The following HEPH variants were observed in gnomAD, a reference collection of about 807,000 sequenced individuals.
HEPH encodes the protein hephaestin.
HEPH carries 69 observed loss-of-function variants against 80.8 expected under a neutral mutation model. That is an observed-to-expected ratio of 0.85 (90% CI 0.70 to 1.04). The LOEUF (loss-of-function observed/expected upper bound fraction) is 1.04, where lower values mean the gene tolerates loss of function less well. HEPH is among the 50% of genes least tolerant of loss of function. The pLI, the probability that HEPH is intolerant of heterozygous loss-of-function variation, is 0.00. For synonymous variants in HEPH, 431 were observed against 322.8 expected, an observed-to-expected ratio of 1.34 and a Z score of -3.60; for missense variants, 1,115 against 891.3, an observed-to-expected ratio of 1.25 and a Z score of -3.20.
At chrX:66,180,627 T>A (rs1230068256) in intron 4 of HEPH, among the ~76,000 whole-genome samples, 1 of 78,336 alleles carries the variant, frequency 1.3e-5, no homozygotes, top group Non-Finnish European at 2.2e-5. Context: ...CCAGGTGTTC[T>A]TTTTTTTTTT....
intron 15 of HEPH, among the ~76,000 whole-genome samples, chrX:66,219,817 G>T (rs2089561953): frequency 9.0e-6 from 1 of 111,382 alleles, no homozygotes; most frequent in Admixed American, 9.5e-5. Flanking sequence ...GGGTATTTTG[G>T]TGTAAGCTCT....
chrX:66,232,208 A>G (rs780397932), intron 15 of HEPH, among the ~76,000 whole-genome samples: 5 of 111,288 alleles, frequency 4.5e-5, no homozygotes, highest in East Asian at 5.6e-4. Context: ...TTTTGCATCA[A>G]TGTTCATCAA....
intron 15 of HEPH, among the ~76,000 whole-genome samples, chrX:66,227,437 G>C (rs924527487): frequency 1.8e-5 from 2 of 111,040 alleles, no homozygotes; most frequent in East Asian, 2.8e-4. Context: ...AATCACACAA[G>C]GGAAAGAAAT....
upstream of HEPH, chrX:66,162,830 G>T: frequency 1.7e-6 from 2 of 1,155,892 alleles, no homozygotes; most frequent in Non-Finnish European, 2.3e-6. Flanking sequence ...TGCCCAGCCT[G>T]CCTGGAGAAA....
At chrX:66,208,028 G>A in intron 14 of HEPH, 87 bp from the exon 15 acceptor site, 3 of 648,220 alleles carry the variant, frequency 4.6e-6, no homozygotes, top group Non-Finnish European at 6.9e-6. Flanking sequence ...ATTCTATGAA[G>A]TGCTCATATA....
intron 1 of HEPH, among the ~76,000 whole-genome samples, chrX:66,167,692 G>A (rs2086434414): frequency 8.9e-6 from 1 of 112,059 alleles, no homozygotes; most frequent in Admixed American, 9.5e-5. Context: ...TGTAAGTATT[G>A]GCAGCATGTG....
chrX:66,228,002 G>C (rs2089963983), intron 15 of HEPH, among the ~76,000 whole-genome samples: 2 of 111,273 alleles, frequency 1.8e-5, no homozygotes, highest in Non-Finnish European at 3.8e-5. Context: ...ACCTCTCACT[G>C]TATTGGTCCA....
chrX:66,257,781 T>C (rs1030724915), intron 17 of HEPH, among the ~76,000 whole-genome samples: 13 of 111,842 alleles, frequency 1.2e-4, no homozygotes, highest in African/African-American at 3.9e-4. Context: ...GAGGTAGACA[T>C]AGAGACAGAT....
chrX:66,195,364 A>G, intron 9 of HEPH, 135 bp downstream of exon 9: 1 of 428,215 alleles, frequency 2.3e-6, no homozygotes, highest in Non-Finnish European at 3.5e-6. Context: ...GAATGAATGA[A>G]TAATATAATA....
At chrX:66,213,495 G>A (rs752748667) in intron 15 of HEPH, among the ~76,000 whole-genome samples, 1 of 111,772 alleles carries the variant, frequency 8.9e-6, no homozygotes, top group East Asian at 2.8e-4. Flanking sequence ...ATGAGTGTTT[G>A]TAGTTTCTAT....
intron 19 of HEPH, among the ~76,000 whole-genome samples, chrX:66,262,908 A>G: frequency 9.0e-6 from 1 of 111,624 alleles, no homozygotes; most frequent in East Asian, 2.8e-4. Flanking sequence ...ATTCTTGATA[A>G]CAAGGTTAAT....
At chrX:66,239,187 C>A (rs757236974) in intron 15 of HEPH, among the ~76,000 whole-genome samples, 1 of 111,946 alleles carries the variant, frequency 8.9e-6, no homozygotes, top group African/African-American at 3.2e-5. Flanking sequence ...GTTGAAGGGT[C>A]TCTTTCTGTT....
chrX:66,225,198 G>T (rs371477213), intron 15 of HEPH, among the ~76,000 whole-genome samples: 2 of 111,216 alleles, frequency 1.8e-5, no homozygotes, highest in Non-Finnish European at 3.8e-5. Context: ...AACTTTTCCT[G>T]GTGTAATAGT....
intron 15 of HEPH, among the ~76,000 whole-genome samples, chrX:66,243,054 C>T (rs1330054918): frequency 9.0e-6 from 1 of 111,674 alleles, no homozygotes; most frequent in Non-Finnish European, 1.9e-5. Flanking sequence ...CATAAAGACA[C>T]CTGACGTGCA....
At chrX:66,262,456 G>A (rs2091399954) in intron 19 of HEPH, among the ~76,000 whole-genome samples, 1 of 111,657 alleles carries the variant, frequency 9.0e-6, no homozygotes, top group Admixed American at 9.5e-5. Context: ...CAGGTTATAG[G>A]GTACAGGGCT....
At chrX:66,177,195 A>G (rs1381440748) in intron 4 of HEPH, among the ~76,000 whole-genome samples, 2 of 112,061 alleles carry the variant, frequency 1.8e-5, no homozygotes, top group Non-Finnish European at 3.8e-5. Flanking sequence ...TTTTCTGGTT[A>G]TGTTCTTTCC....
At chrX:66,207,404 A>G in intron 14 of HEPH, 70 bp downstream of exon 14, 1 of 835,065 alleles carries the variant, frequency 1.2e-6, no homozygotes, top group Non-Finnish European at 1.6e-6. Flanking sequence ...ATGTTATACC[A>G]GGATGGCCTC....
intron 2 of HEPH, among the ~76,000 whole-genome samples, 184 bp from the exon 3 acceptor site, chrX:66,172,171 G>A (rs991445522): frequency 8.9e-6 from 1 of 112,274 alleles, no homozygotes; most frequent in African/African-American, 3.2e-5. Context: ...AATTTCATAT[G>A]CTGATATTTG....
chrX:66,166,860 AT>A (rs2086389815), intron 1 of HEPH, among the ~76,000 whole-genome samples: 1 of 112,118 alleles, frequency 8.9e-6, no homozygotes. Context: ...GTGTTACCAT[AT>A]ATGGGAATTT....
Sources: allele counts gnomAD v4.1 joint callset (sites outside exome capture counted in the v4.1 genomes callset), GRCh38; gene constraint gnomAD v4.1.1; transcripts MANE v1.5; gene names NCBI Gene and HGNC (gene_info 2026-07-23, HGNC 2026-07-21).